The following NLRP11 variants were observed in gnomAD, a reference collection of about 807,000 sequenced individuals.
NLRP11 encodes NACHT, LRR and PYD domains-containing protein 11.
Under a neutral mutation model 79.3 loss-of-function variants are expected in NLRP11, and 53 were observed. The ratio of observed to expected loss-of-function variants is 0.67; its 90% CI spans 0.54 to 0.84. NLRP11 has a LOEUF of 0.84. Among genes scored for constraint, NLRP11 ranks in the 40% least tolerant of loss-of-function variants. The probability of loss-of-function intolerance (pLI) is 0.00; values close to 1 mark genes in which losing one functional copy is unlikely to be tolerated. For missense variants in NLRP11, 1,264 were observed against 1,255.0 expected (o/e 1.01, Z -0.11); for synonymous variants, 518 against 462.6 (o/e 1.12, Z -1.54).
chr19:55,811,911 C>T (rs1980638586), intron 2 of NLRP11, among the ~76,000 whole-genome samples: 1 of 151,856 alleles, frequency 6.6e-6, no homozygotes, highest in African/African-American at 2.4e-5. Context: ...TTCTCCCAAT[C>T]CAGGAGTCTC....
intron 5 of NLRP11, chr19:55,798,410 C>G: frequency 1.2e-6 from 1 of 823,722 alleles, no homozygotes; most frequent in Non-Finnish European, 1.5e-6. Context: ...AACATAAGGA[C>G]AGAAAACCAA....
At chr19:55,798,245 G>T in intron 5 of NLRP11, 1 of 807,910 alleles carries the variant, frequency 1.2e-6, no homozygotes, top group Non-Finnish European at 1.5e-6. Flanking sequence ...TGATCTGCCC[G>T]CCTCGGCCTC....
At chr19:55,794,755 G>A (rs908854457) in intron 6 of NLRP11, among the ~76,000 whole-genome samples, 10 of 150,428 alleles carry the variant, frequency 6.6e-5, no homozygotes, top group Admixed American at 1.3e-4. Flanking sequence ...GCGAGACTCC[G>A]TCTCAAAAAA....
At chr19:55,834,717 C>CT (rs1182866685), upstream of NLRP11, among the ~76,000 whole-genome samples, 1 of 152,166 alleles carries the variant, frequency 6.6e-6, no homozygotes, top group Admixed American at 6.5e-5. Context: ...CCACCTATCA[C>CT]TGACAGAATG....
intron 2 of NLRP11, among the ~76,000 whole-genome samples, chr19:55,811,112 ATT>A (rs886388752): frequency 1.3e-5 from 2 of 152,026 alleles, no homozygotes; most frequent in African/African-American, 4.8e-5. Flanking sequence ...CTTCCCTTCT[ATT>A]TTTTTGTTTA....
At chr19:55,835,975 T>G (rs1431560200), upstream of NLRP11, among the ~76,000 whole-genome samples, 1 of 152,194 alleles carries the variant, frequency 6.6e-6, no homozygotes, top group African/African-American at 2.4e-5. Flanking sequence ...AATACAAAAA[T>G]TAGCCGGGCA....
chr19:55,791,187 C>A (rs1990212267), intron 7 of NLRP11, among the ~76,000 whole-genome samples: 1 of 152,116 alleles, frequency 6.6e-6, no homozygotes, highest in Non-Finnish European at 1.5e-5. Flanking sequence ...AGAGTATTTA[C>A]TGTCTAGCCT....
chr19:55,803,643 T>C (rs1469144008), intron 4 of NLRP11, among the ~76,000 whole-genome samples: 1 of 152,054 alleles, frequency 6.6e-6, no homozygotes. Context: ...GGGCAAAGGG[T>C]ATAACAGACA....
At chr19:55,811,312 C>T (rs1407712231) in intron 2 of NLRP11, among the ~76,000 whole-genome samples, 1 of 152,126 alleles carries the variant, frequency 6.6e-6, no homozygotes, top group Non-Finnish European at 1.5e-5. Context: ...AGGTATGATA[C>T]AGAAATGATC....
chr19:55,808,835 C>G, exon 3 of NLRP11: 1 of 1,613,878 alleles, frequency 6.2e-7, no homozygotes, highest in Non-Finnish European at 8.5e-7. Context: ...CTTAAGTGTC[C>G]TCAGGTGACA....
chr19:55,807,938 T>C, exon 4 of NLRP11: 1 of 1,611,324 alleles, frequency 6.2e-7, no homozygotes, highest in Non-Finnish European at 8.5e-7. Context: ...TTGTCAAAGA[T>C]ATGCAGCTCC....
chr19:55,815,710 C>T (rs1981052229), intron 2 of NLRP11, among the ~76,000 whole-genome samples: 1 of 151,962 alleles, frequency 6.6e-6, no homozygotes, highest in Non-Finnish European at 1.5e-5. Context: ...TAAAGACATG[C>T]AAAGAGTTTT....
chr19:55,829,342 A>T (rs1466067083), intron 1 of NLRP11, among the ~76,000 whole-genome samples: 1 of 152,060 alleles, frequency 6.6e-6, no homozygotes, highest in African/African-American at 2.4e-5. Context: ...TTTCCGGTGC[A>T]TTATTATGTA....
intron 5 of NLRP11, among the ~76,000 whole-genome samples, chr19:55,797,176 A>G (rs1979001725): frequency 1.3e-5 from 2 of 152,114 alleles, no homozygotes; most frequent in Non-Finnish European, 2.9e-5. Flanking sequence ...GTGCACGACT[A>G]TAGTCCCAGC....
intron 5 of NLRP11, among the ~76,000 whole-genome samples, chr19:55,798,929 G>A (rs1979205969): frequency 6.6e-6 from 1 of 152,182 alleles, no homozygotes; most frequent in South Asian, 2.1e-4. Flanking sequence ...GCAGGAAGGA[G>A]TCAGATGGAT....
chr19:55,788,694 C>G (rs1568625520), intron 9 of NLRP11, 113 bp downstream of exon 9: 3 of 708,130 alleles, frequency 4.2e-6, no homozygotes, highest in African/African-American at 4.2e-5. Context: ...GAGCCAAGAT[C>G]ACGCCACTGC....
In NLRP11 at chr19:55,807,846, T is replaced by G. The variant is rs984342868; in HGVS notation, c.2003+7A>C. 2 of 1,597,942 alleles carry G rather than the reference T, an allele frequency of 1.3e-6. No individual in the cohort carries two copies. The highest frequency in any genetic ancestry group is 1.3e-5 in the African/African-American group (1 of 74,480). On this transcript the variant is annotated splice_region_variant and intron_variant, in intron 4 of 9. Transcript: ENST00000589093. ...ACCTCTAAGGCAGAGGTTGATATAG[T>G]ACTTACTTGAGTGTGCGAAGTTTAC...
intron 1 of NLRP11, among the ~76,000 whole-genome samples, chr19:55,822,550 A>G (rs4516329): frequency 0.48 from 71,929 of 150,682 alleles, 20,191 homozygotes; most frequent in African/African-American, 0.79. Flanking sequence ...AGGTCAGTGG[A>G]TGCGCGCACC....
chr19:55,795,962 T>A, intron 6 of NLRP11, 118 bp downstream of exon 6: 1 of 881,924 alleles, frequency 1.1e-6, no homozygotes, highest in Non-Finnish European at 1.8e-6. Flanking sequence ...CTCCAAAGAC[T>A]GTGCTTTCGG....
Sources: allele counts gnomAD v4.1 joint callset (sites outside exome capture counted in the v4.1 genomes callset), GRCh38; gene constraint gnomAD v4.1.1; transcripts MANE v1.5; gene names NCBI Gene and HGNC (gene_info 2026-07-23, HGNC 2026-07-21).